SLC35F1: variants seen among roughly 807,000 people sequenced by gnomAD.
SLC35F1 encodes chromosome 6 open reading frame 169.
In SLC35F1, 14 loss-of-function variants were observed where a neutral mutation model predicts 48.7. That is an observed-to-expected ratio of 0.29 (90% CI 0.19 to 0.45). SLC35F1 has a LOEUF of 0.45. Among genes scored for constraint, SLC35F1 ranks in the 20% least tolerant of loss-of-function variants. SLC35F1 has a pLI of 1.00. For synonymous variants in SLC35F1, 190 were observed against 202.2 expected (o/e 0.94, Z 0.51); for missense variants, 404 against 500.0 (o/e 0.81, Z 1.83).
chr6:117,988,471 C>T (rs973907056), intron 1 of SLC35F1, among the ~76,000 whole-genome samples: 2 of 152,152 alleles, frequency 1.3e-5, no homozygotes, highest in African/African-American at 4.8e-5. Flanking sequence ...ACAAAACTCT[C>T]AAATCTCCTG....
At chr6:118,126,378 C>T (rs563943868) in intron 1 of SLC35F1, among the ~76,000 whole-genome samples, 4 of 152,216 alleles carry the variant, frequency 2.6e-5, no homozygotes, top group Non-Finnish European at 2.9e-5. Flanking sequence ...GTTTTGCTTA[C>T]TGTAGGCTTG....
At chr6:118,227,159 C>A (rs1360178183) in intron 2 of SLC35F1, among the ~76,000 whole-genome samples, 2 of 152,160 alleles carry the variant, frequency 1.3e-5, no homozygotes, top group Non-Finnish European at 2.9e-5. Flanking sequence ...CTTGATTTAT[C>A]TGAGAAGGCT....
At chr6:118,027,985 C>T (rs1771983104) in intron 1 of SLC35F1, among the ~76,000 whole-genome samples, 1 of 152,020 alleles carries the variant, frequency 6.6e-6, no homozygotes, top group Non-Finnish European at 1.5e-5. Context: ...AGCTTTATAC[C>T]TTTAGGCTTA....
intron 1 of SLC35F1, among the ~76,000 whole-genome samples, chr6:117,923,597 G>GCATATATACATATACATA (rs1775934013): frequency 6.9e-5 from 1 of 14,408 alleles, no homozygotes; most frequent in Non-Finnish European, 1.6e-4. Flanking sequence ...ATATACATAT[G>GCATATATACATATACATA]TGTATATATA....
intron 1 of SLC35F1, among the ~76,000 whole-genome samples, chr6:118,126,602 C>G (rs923690751): frequency 6.6e-6 from 1 of 151,242 alleles, no homozygotes; most frequent in Admixed American, 6.6e-5. Flanking sequence ...ATTGATTCTT[C>G]CTACTCATGA....
At chr6:118,012,113 C>A (rs960400628) in intron 1 of SLC35F1, among the ~76,000 whole-genome samples, 3 of 151,834 alleles carry the variant, frequency 2.0e-5, no homozygotes, top group African/African-American at 7.2e-5. Context: ...GAAAAAAAAT[C>A]TTTTATATTA....
rs756967744 is a variant in SLC35F1, at chr6:118,275,443, TTTGG to T, written c.638-9_638-6del. On this transcript the variant is annotated splice_polypyrimidine_tract_variant and intron_variant, in intron 4 of 7. Coordinates refer to ENST00000360388, the MANE Select transcript of SLC35F1 (RefSeq NM_001029858.4). ...TAATGATGCTCCCTCTGTTTGTTTG[TTTGG>T]TTGGTTCCTAGGGGAAAATAAGCTG... 3 of 1,598,236 alleles carry T rather than the reference TTTGG, an allele frequency of 1.9e-6. No homozygotes were observed. Among genetic ancestry groups the T allele is most frequent in the Non-Finnish European group, 2.6e-6 (3 of 1,173,004 alleles).
intron 2 of SLC35F1, among the ~76,000 whole-genome samples, chr6:118,228,421 G>A (rs1450666036): frequency 6.6e-6 from 1 of 152,106 alleles, no homozygotes; most frequent in Admixed American, 6.5e-5. Flanking sequence ...AAGTAAAACA[G>A]GCTGGGTGTG....
At chr6:118,018,035 A>AT (rs1292482065) in intron 1 of SLC35F1, among the ~76,000 whole-genome samples, 1 of 152,196 alleles carries the variant, frequency 6.6e-6, no homozygotes, top group Non-Finnish European at 1.5e-5. Context: ...TAGTAGCTGC[A>AT]TAAGTTCCTC....
In SLC35F1 at chr6:118,012,587, T is replaced by TG. The variant is rs1428697078; in HGVS notation, c.173+104690dup. Among the ~76,000 whole-genome samples the TG allele has an allele frequency of 7.2e-5, 11 of 152,324 alleles. No homozygotes were observed. The East Asian group carries it at 2.1e-3, about 29-fold the overall frequency. ...GCTTGCTAACTTGCTAAGTGTCTCC[T>TG]GGCAAATCACTTAACCTCCCTGAAG... On this transcript the variant is annotated intron_variant, in intron 1 of 7. Transcript: ENST00000360388.
intron 2 of SLC35F1, among the ~76,000 whole-genome samples, chr6:118,225,746 G>A (rs556224427): frequency 8.1e-4 from 123 of 152,088 alleles, no homozygotes; most frequent in African/African-American, 2.9e-3. Flanking sequence ...TGTAGTGGCA[G>A]GCGCCTGTAG....
chr6:118,145,832 A>G (rs1773964760), intron 1 of SLC35F1, among the ~76,000 whole-genome samples: 1 of 152,220 alleles, frequency 6.6e-6, no homozygotes, highest in Non-Finnish European at 1.5e-5. Context: ...TTTTCATTAA[A>G]TGTAATAATA....
chr6:118,052,294 C>A (rs1479598534), intron 1 of SLC35F1, among the ~76,000 whole-genome samples: 2 of 152,072 alleles, frequency 1.3e-5, no homozygotes, highest in Non-Finnish European at 2.9e-5. Flanking sequence ...CAATCTCAAA[C>A]CACTAAAAGA....
intron 1 of SLC35F1, among the ~76,000 whole-genome samples, chr6:118,039,277 AT>A (rs150257537): frequency 2.6e-5 from 4 of 151,352 alleles, no homozygotes; most frequent in South Asian, 2.1e-4. Flanking sequence ...TCATGTCAAG[AT>A]TTTTTTTTCT....
At chr6:117,928,824 C>T (rs567409234) in intron 1 of SLC35F1, among the ~76,000 whole-genome samples, 1 of 152,222 alleles carries the variant, frequency 6.6e-6, no homozygotes, top group South Asian at 2.1e-4. Context: ...CTCACCAGTA[C>T]TACAAAGGGG....
At chr6:117,983,123 A>C (rs1038532413) in intron 1 of SLC35F1, among the ~76,000 whole-genome samples, 1 of 152,240 alleles carries the variant, frequency 6.6e-6, no homozygotes. Context: ...TATAGAAAAA[A>C]GAAAAATATA....
chr6:117,914,663 G>C (rs1335892841), intron 1 of SLC35F1, among the ~76,000 whole-genome samples: 2 of 152,098 alleles, frequency 1.3e-5, no homozygotes, highest in Non-Finnish European at 2.9e-5. Flanking sequence ...CCCATCAAGG[G>C]AGCAATTTAA....
At chr6:118,183,835 A>T (rs1774619106) in intron 2 of SLC35F1, among the ~76,000 whole-genome samples, 1 of 152,156 alleles carries the variant, frequency 6.6e-6, no homozygotes, top group African/African-American at 2.4e-5. Context: ...TCCAGCCATA[A>T]TCTTTTACAG....
rs2114568567 is a variant in SLC35F1 at position 118,225,086 on chromosome 6, A to C, written c.350-10423A>C. Among the ~76,000 whole-genome samples the C allele has an allele frequency of 2.0e-5, 3 of 152,328 alleles. No individual in the cohort carries two copies. In the Middle Eastern group the frequency reaches 0.01, roughly 518 times the overall value. On this transcript the variant is annotated intron_variant, in intron 2 of 7. Transcript: ENST00000360388. The stretch of plus-strand genomic sequence containing the variant: ...GGGTTGGAAGAATTAACACTGTTAA[A>C]ATGACAGTATCACCCAAAGCAAATT...
Sources: gnomAD v4.1 joint callset for allele counts (sites outside exome capture counted in the v4.1 genomes callset) on GRCh38, gnomAD v4.1.1 for gene constraint, MANE v1.5 for transcripts, NCBI Gene and HGNC (gene_info 2026-07-23, HGNC 2026-07-21) for gene names.